CCSER1: variants seen among roughly 807,000 people sequenced by gnomAD.
CCSER1 encodes serine-rich coiled-coil domain-containing protein 1.
In CCSER1, 41 loss-of-function variants were observed where a neutral mutation model predicts 82.0. That is an observed-to-expected ratio of 0.50 (90% CI 0.39 to 0.65). The LOEUF (loss-of-function observed/expected upper bound fraction) is 0.65, where lower values mean the gene tolerates loss of function less well. Among genes scored for constraint, CCSER1 ranks in the 30% least tolerant of loss-of-function variants. The pLI is 0.00. For missense variants in CCSER1, 1,119 were observed against 1,064.2 expected (o/e 1.05, Z -0.72); for synonymous variants, 414 against 383.9 (o/e 1.08, Z -0.92).
chr4:91,071,686 C>T (rs544676908), intron 9 of CCSER1, among the ~76,000 whole-genome samples: 82 of 151,994 alleles, frequency 5.4e-4, no homozygotes, highest in African/African-American at 1.8e-3. Flanking sequence ...AAATATGAAA[C>T]GTAGCTTACT....
In CCSER1 at chr4:91,258,350, G is replaced by T. The variant is rs368544049; in HGVS notation, c.2217+172356G>T. ...TAGGATCCAATTTTTCAAATTATCA[G>T]CAATATTTTCAGAAATTTCCTTGGT... On this transcript the variant is annotated intron_variant, in intron 10 of 10. Transcript: ENST00000509176. Among the ~76,000 whole-genome samples the T allele has an allele frequency of 2.4e-4, 36 of 152,122 alleles. 1 individual carries two copies. In the South Asian group the frequency reaches 3.5e-3, roughly 15 times the overall value.
chr4:91,406,969 A>G (rs1560647189), intron 10 of CCSER1, among the ~76,000 whole-genome samples: 1 of 152,178 alleles, frequency 6.6e-6, no homozygotes, highest in African/African-American at 2.4e-5. Context: ...CACATTTCAT[A>G]CCTAATATTG....
intron 1 of CCSER1, among the ~76,000 whole-genome samples, chr4:90,288,168 A>G (rs1016159873): frequency 2.7e-5 from 4 of 150,290 alleles, no homozygotes; most frequent in African/African-American, 2.5e-5. Context: ...TTGGCAATCA[A>G]TCCTGTACAA....
intron 9 of CCSER1, among the ~76,000 whole-genome samples, chr4:90,933,504 T>A (rs1029334206): frequency 1.3e-5 from 2 of 151,830 alleles, no homozygotes; most frequent in Non-Finnish European, 2.9e-5. Context: ...TTTTTTTTTT[T>A]AATTTATGAA....
intron 3 of CCSER1, among the ~76,000 whole-genome samples, chr4:90,368,779 C>T (rs183771549): frequency 4.6e-5 from 7 of 151,964 alleles, no homozygotes; most frequent in African/African-American, 1.4e-4. Context: ...CACACACACA[C>T]ACACACTACT....
intron 9 of CCSER1, among the ~76,000 whole-genome samples, chr4:91,059,952 A>G (rs1355537548): frequency 6.6e-6 from 1 of 152,032 alleles, no homozygotes; most frequent in African/African-American, 2.4e-5. Flanking sequence ...TGCCAACAAA[A>G]ATAGTAACTG....
chr4:91,382,995 T>C (rs1751028061), intron 10 of CCSER1, among the ~76,000 whole-genome samples: 1 of 144,126 alleles, frequency 6.9e-6, no homozygotes, highest in Non-Finnish European at 1.6e-5. Context: ...AGATGATCAT[T>C]ATCATTTTTT....
intron 3 of CCSER1, among the ~76,000 whole-genome samples, chr4:90,387,257 C>G (rs1392436087): frequency 1.3e-5 from 2 of 151,858 alleles, no homozygotes; most frequent in Admixed American, 6.6e-5. Flanking sequence ...CTCTATGATA[C>G]TCCTTACCTG....
Position 90,309,349 on chromosome 4 carries a change from A to G in CCSER1, c.1065A>G (p.Leu355=), listed in dbSNP as rs1734885403. The G allele has an allele frequency of 6.2e-7, 1 of 1,613,752 alleles. No homozygotes were observed. Among genetic ancestry groups the G allele is most frequent in the South Asian group, 1.1e-5 (1 of 91,082 alleles). ...AAGTGTTATTACAAATTGCTGAACTACCTGCTACAAGTGTGAGCCACTCAG... is the reference window on the plus strand; with the variant it reads ...AAGTGTTATTACAAATTGCTGAACTGCCTGCTACAAGTGTGAGCCACTCAG... ...QKEVLLQIAE[L]PATSVSHSES... The change falls in exon 2 of 11, where the codon CTA becomes CTG. Residue 355 remains leucine (L), a synonymous_variant. Coordinates refer to ENST00000509176, the MANE Select transcript of CCSER1 (RefSeq NM_001145065.2).
intron 3 of CCSER1, among the ~76,000 whole-genome samples, chr4:90,345,720 G>A (rs1021472755): frequency 6.6e-6 from 1 of 151,912 alleles, no homozygotes; most frequent in Admixed American, 6.6e-5. Context: ...TACTCTCTTC[G>A]AACCCAGCAG....
intron 10 of CCSER1, chr4:91,108,226 T>C (rs1011685589): frequency 1.3e-5 from 2 of 152,346 alleles, no homozygotes; most frequent in South Asian, 2.1e-4. Context: ...TGATTCCTGA[T>C]TGTGGCCTGT....
intron 10 of CCSER1, among the ~76,000 whole-genome samples, chr4:91,370,509 G>C (rs930370298): frequency 6.6e-6 from 1 of 151,950 alleles, no homozygotes; most frequent in African/African-American, 2.4e-5. Context: ...ATCCTGGCCA[G>C]TATGGTGAAA....
At chr4:90,450,003 A>G (rs1238085444) in intron 4 of CCSER1, among the ~76,000 whole-genome samples, 1 of 152,200 alleles carries the variant, frequency 6.6e-6, no homozygotes, top group African/African-American at 2.4e-5. Flanking sequence ...TGCCCCACAC[A>G]GGCCACTGTT....
intron 1 of CCSER1, among the ~76,000 whole-genome samples, chr4:90,242,194 T>C (rs1746988374): frequency 6.6e-6 from 1 of 152,036 alleles, no homozygotes; most frequent in African/African-American, 2.4e-5. Flanking sequence ...GTAATCCCAG[T>C]TACTTGGGAG....
intron 1 of CCSER1, among the ~76,000 whole-genome samples, chr4:90,153,017 T>C (rs1036566736): frequency 2.7e-5 from 4 of 147,370 alleles, no homozygotes; most frequent in Non-Finnish European, 6.0e-5. Flanking sequence ...GTATATCTCC[T>C]AATGCTATCC....
intron 5 of CCSER1, among the ~76,000 whole-genome samples, chr4:90,626,517 A>G (rs1452570520): frequency 6.6e-6 from 1 of 152,234 alleles, no homozygotes; most frequent in African/African-American, 2.4e-5. Flanking sequence ...ATCGTATCAG[A>G]TAAAATATAC....
intron 1 of CCSER1, among the ~76,000 whole-genome samples, chr4:90,143,119 A>T (rs192796663): frequency 5.3e-5 from 8 of 152,212 alleles, no homozygotes; most frequent in Admixed American, 3.9e-4. Flanking sequence ...GGTGGTTGTA[A>T]TTCTTGGCTC....
At chr4:90,909,433 T>A (rs1033435760) in intron 8 of CCSER1, among the ~76,000 whole-genome samples, 5 of 152,090 alleles carry the variant, frequency 3.3e-5, no homozygotes, top group African/African-American at 1.2e-4. Context: ...CACTCCCCTC[T>A]GCACCCTAGG....
rs558066689 is a variant in CCSER1 at position 90,583,485 on chromosome 4, A to T, written c.1725-44540A>T. On this transcript the variant is annotated intron_variant, in intron 5 of 10. Coordinates refer to ENST00000509176, the MANE Select transcript of CCSER1 (RefSeq NM_001145065.2). ...CTGGCTGGATATGTTTTTTAAATTG[A>T]GGTATACTTCTGTGAATTCTGTATA... Among the ~76,000 whole-genome samples, 11 of 152,214 alleles carry T rather than the reference A, an allele frequency of 7.2e-5. No homozygotes were observed. The East Asian group carries it at 1.7e-3, about 24-fold the overall frequency.
Sources: allele counts gnomAD v4.1 joint callset (sites outside exome capture counted in the v4.1 genomes callset), GRCh38; gene constraint gnomAD v4.1.1; transcripts MANE v1.5; gene names NCBI Gene and HGNC (gene_info 2026-07-23, HGNC 2026-07-21).